UBTD2: variants seen among roughly 807,000 people sequenced by gnomAD.
UBTD2 encodes ubiquitin domain containing 2.
In UBTD2, 9 loss-of-function variants were observed where a neutral mutation model predicts 19.8. That is an observed-to-expected ratio of 0.46 (90% CI 0.27 to 0.79). UBTD2 has a LOEUF of 0.79. UBTD2 is among the 30% of genes least tolerant of loss of function. The pLI is 0.14. For missense variants in UBTD2, 250 were observed against 300.4 expected (o/e 0.83, Z 1.24); for synonymous variants, 98 against 103.9 (o/e 0.94, Z 0.35).
intron 2 of UBTD2, among the ~76,000 whole-genome samples, chr5:172,223,538 G>A (rs1771693588): frequency 7.9e-6 from 1 of 126,984 alleles, no homozygotes; most frequent in Admixed American, 1.0e-4. Flanking sequence ...GGCAGAGGTT[G>A]CAGTGAGCCA....
At chr5:172,257,617 C>T (rs546861172) in intron 1 of UBTD2, among the ~76,000 whole-genome samples, 59 of 152,238 alleles carry the variant, frequency 3.9e-4, no homozygotes, top group Non-Finnish European at 7.3e-4. Context: ...TCCCTTTTCT[C>T]CACAACCTCA....
At chr5:172,239,690 G>C (rs747742298) in intron 1 of UBTD2, among the ~76,000 whole-genome samples, 2 of 152,048 alleles carry the variant, frequency 1.3e-5, no homozygotes, top group Non-Finnish European at 2.9e-5. Context: ...CAAAGTGCTG[G>C]GATTACAGGC....
intron 1 of UBTD2, among the ~76,000 whole-genome samples, chr5:172,275,600 A>T (rs1020840559): frequency 6.6e-6 from 1 of 152,030 alleles, no homozygotes; most frequent in African/African-American, 2.4e-5. Flanking sequence ...AACTCTCATG[A>T]CTCAATTCTT....
chr5:172,254,063 T>C (rs776083482), intron 1 of UBTD2, among the ~76,000 whole-genome samples: 3 of 152,162 alleles, frequency 2.0e-5, no homozygotes, highest in East Asian at 1.9e-4. Flanking sequence ...TTTTAGATAA[T>C]GGGAGGCAGG....
chr5:172,209,731 A>T lies in UBTD2; in HGVS notation c.*2099T>A, dbSNP rs867256406. 6.6e-6 allele frequency: 1 copy of T among 152,182 alleles called. No homozygotes were observed. Among genetic ancestry groups the T allele is most frequent in the Non-Finnish European group, 1.5e-5 (1 of 67,992 alleles). The allele number at this position is 152,182 out of a possible 1,614,324, so 9.4% of individuals were successfully genotyped here. ...ACACATCAAGTACTGGTCCAATCTT[A>T]TATCAATCTATTTACAATTAAACAG... is the stretch of plus-strand genomic sequence containing the variant. On this transcript the variant is annotated 3_prime_UTR_variant, in exon 3 of 3. Coordinates refer to ENST00000393792, the MANE Select transcript of UBTD2 (RefSeq NM_152277.3).
intron 1 of UBTD2, among the ~76,000 whole-genome samples, chr5:172,278,008 G>A (rs1475199892): frequency 2.0e-5 from 3 of 152,142 alleles, no homozygotes; most frequent in Non-Finnish European, 4.4e-5. Flanking sequence ...CAGAATTGCT[G>A]TAATTTAAAA....
At chr5:172,231,305 G>A (rs1465071523) in intron 2 of UBTD2, among the ~76,000 whole-genome samples, 2 of 152,190 alleles carry the variant, frequency 1.3e-5, no homozygotes, top group African/African-American at 4.8e-5. Flanking sequence ...TTAACACCCA[G>A]AATGTTATCA....
intron 1 of UBTD2, among the ~76,000 whole-genome samples, chr5:172,269,145 G>A (rs1180581006): frequency 6.6e-6 from 1 of 152,064 alleles, no homozygotes; most frequent in Non-Finnish European, 1.5e-5. Flanking sequence ...GGCGTTCAAG[G>A]GTTTCTGTAC....
At chr5:172,274,558 G>C (rs67860906) in intron 1 of UBTD2, among the ~76,000 whole-genome samples, 60,428 of 151,958 alleles carry the variant, frequency 0.4, 12,215 homozygotes, top group South Asian at 0.54. Flanking sequence ...GAAGTACACT[G>C]GACATTCTTG....
chr5:172,268,419 G>C (rs1352884921), intron 1 of UBTD2, among the ~76,000 whole-genome samples: 10 of 152,146 alleles, frequency 6.6e-5, no homozygotes, highest in Admixed American at 6.6e-4. Context: ...GGAAAACAGA[G>C]GCTACAGCAC....
chr5:172,269,874 G>C (rs10039416), intron 1 of UBTD2, among the ~76,000 whole-genome samples: 1 of 150,946 alleles, frequency 6.6e-6, no homozygotes, highest in Admixed American at 6.6e-5. Context: ...TCAGGAGTTC[G>C]AGACCGGCCT....
At chr5:172,249,568 C>T (rs1028906944) in intron 1 of UBTD2, among the ~76,000 whole-genome samples, 7 of 152,092 alleles carry the variant, frequency 4.6e-5, no homozygotes, top group African/African-American at 1.2e-4. Context: ...TTAAGATATA[C>T]GCAAAACCCA....
At chr5:172,271,364 T>A (rs1291673795) in intron 1 of UBTD2, among the ~76,000 whole-genome samples, 2 of 150,158 alleles carry the variant, frequency 1.3e-5, no homozygotes, top group African/African-American at 4.9e-5. Context: ...AGGAGGCAGA[T>A]CTTGCCGTGA....
At chr5:172,269,739 TAAA>T (rs376285062) in intron 1 of UBTD2, among the ~76,000 whole-genome samples, 4 of 114,244 alleles carry the variant, frequency 3.5e-5, no homozygotes, top group Admixed American at 1.9e-4. Flanking sequence ...CATGTGCATG[TAAA>T]AAAAAAAAAA....
intron 1 of UBTD2, among the ~76,000 whole-genome samples, chr5:172,238,672 C>T (rs1318809110): frequency 6.6e-6 from 1 of 152,114 alleles, no homozygotes; most frequent in African/African-American, 2.4e-5. Flanking sequence ...ATTTTTACTA[C>T]ATAATTTAAA....
intron 1 of UBTD2, among the ~76,000 whole-genome samples, chr5:172,274,021 T>C (rs527659503): frequency 6.6e-6 from 1 of 151,812 alleles, no homozygotes; most frequent in East Asian, 1.9e-4. Flanking sequence ...ACCTCTCTCA[T>C]AAAGCCCCAG....
chr5:172,241,433 AG>A (rs1772124982), intron 1 of UBTD2, among the ~76,000 whole-genome samples: 1 of 150,106 alleles, frequency 6.7e-6, no homozygotes, highest in Non-Finnish European at 1.5e-5. Flanking sequence ...AAAAAAAAAA[AG>A]ATGCCCACTA....
intron 1 of UBTD2, among the ~76,000 whole-genome samples, chr5:172,243,554 CTT>C (rs58327908): frequency 0.23 from 23,095 of 100,838 alleles, 2,510 homozygotes; most frequent in East Asian, 0.43. Context: ...TGTGAGAAAC[CTT>C]TTTTTTTTTT....
rs70982379 is a variant in UBTD2, at chr5:172,246,751, C to CTTTTTTTT, written c.71-12401_71-12394dup. Among the ~76,000 whole-genome samples the CTTTTTTTT allele has an allele frequency of 1.8e-4, 11 of 62,496 alleles. 2 individuals carry two copies. Among genetic ancestry groups the CTTTTTTTT allele is most frequent in the East Asian group, 5.1e-4 (1 of 1,980 alleles). 41.0% of individuals were successfully genotyped at this position (62,496 alleles called of 152,430 possible). The stretch of plus-strand genomic sequence containing the variant: ...GAGCCACCACGCCCAGCCGAGATTG[C>CTTTTTTTT]TTTTTTTTTTTTTTTTTTTTTTTTT... On this transcript the variant is annotated intron_variant, in intron 1 of 2. Transcript: ENST00000393792.
Sources: allele counts gnomAD v4.1 joint callset (sites outside exome capture counted in the v4.1 genomes callset), GRCh38; gene constraint gnomAD v4.1.1; transcripts MANE v1.5; gene names NCBI Gene and HGNC (gene_info 2026-07-23, HGNC 2026-07-21).